Variants in DNAH12 observed in about 807,000 individuals in gnomAD.
DNAH12 encodes dynein axonemal heavy chain 12.
A neutral mutation model predicts 371.5 loss-of-function variants in DNAH12; 285 were observed. The observed-to-expected ratio is 0.77, with a 90% CI of 0.70 to 0.85. DNAH12 has a LOEUF of 0.85. Ranked by LOEUF, DNAH12 falls within the 40% of genes least tolerant of loss-of-function variation. The pLI is 0.00. For missense variants in DNAH12, 3,611 were observed against 3,689.4 expected, an observed-to-expected ratio of 0.98 and a Z score of 0.55; for synonymous variants, 1,200 against 1,213.0, an observed-to-expected ratio of 0.99 and a Z score of 0.22.
intron 13 of DNAH12, among the ~76,000 whole-genome samples, chr3:57,473,170 G>A (rs899594096): frequency 6.6e-6 from 1 of 152,000 alleles, no homozygotes; most frequent in African/African-American, 2.4e-5. Context: ...GAATATTGCG[G>A]TATGTAATAG....
chr3:57,453,719 A>G (rs561133740), intron 23 of DNAH12, among the ~76,000 whole-genome samples: 3 of 152,032 alleles, frequency 2.0e-5, no homozygotes, highest in African/African-American at 7.2e-5. Context: ...GACTACAGGC[A>G]TGTGCCAGTA....
intron 73 of DNAH12, among the ~76,000 whole-genome samples, chr3:57,294,384 C>T (rs2107636508): frequency 6.6e-6 from 1 of 152,190 alleles, no homozygotes; most frequent in South Asian, 2.1e-4. Flanking sequence ...ACTATGTTGG[C>T]CAGGCTGGTC....
chr3:57,460,618 C>T (rs1034805117), intron 19 of DNAH12, among the ~76,000 whole-genome samples: 1 of 152,148 alleles, frequency 6.6e-6, no homozygotes. Flanking sequence ...GGTTAGCCTG[C>T]TTCTTGGGAT....
intron 8 of DNAH12, among the ~76,000 whole-genome samples, chr3:57,505,412 C>T (rs928841632): frequency 3.3e-5 from 5 of 151,834 alleles, no homozygotes; most frequent in African/African-American, 7.3e-5. Context: ...ATATGCAAAC[C>T]CTAATTTTGT....
intron 11 of DNAH12, among the ~76,000 whole-genome samples, chr3:57,490,867 C>T (rs1971187): frequency 0.67 from 101,642 of 151,830 alleles, 34,265 homozygotes; most frequent in South Asian, 0.75. Context: ...GGCGGGTGGA[C>T]CACCTGAGGG....
intron 15 of DNAH12, among the ~76,000 whole-genome samples, chr3:57,470,999 G>A (rs1448828177): frequency 2.6e-5 from 4 of 152,112 alleles, no homozygotes; most frequent in Non-Finnish European, 4.4e-5. Flanking sequence ...GAGCCACTGC[G>A]CCTGGCCTAT....
intron 2 of DNAH12, among the ~76,000 whole-genome samples, chr3:57,525,756 C>CTTTTTTTTTTTTTTTTTTT (rs776184662): frequency 1.3e-5 from 1 of 76,272 alleles, no homozygotes; most frequent in Non-Finnish European, 2.2e-5. Context: ...ATGTCTTATT[C>CTTTTTTTTTTTTTTTTTTT]TTTTTTTTTT....
At chr3:57,296,248 G>A in intron 72 of DNAH12, 96 bp downstream of exon 72, 1 of 841,486 alleles carries the variant, frequency 1.2e-6, no homozygotes, top group Non-Finnish European at 1.8e-6. Context: ...ATTATTACTT[G>A]CCTTAAAAGA....
At chr3:57,539,910 C>T (rs1006189924) in intron 2 of DNAH12, among the ~76,000 whole-genome samples, 1 of 150,802 alleles carries the variant, frequency 6.6e-6, no homozygotes, top group Non-Finnish European at 1.5e-5. Flanking sequence ...GCCACCGTGC[C>T]CGGCCCCACT....
At chr3:57,535,234 C>T (rs1191978051) in intron 2 of DNAH12, among the ~76,000 whole-genome samples, 1 of 152,158 alleles carries the variant, frequency 6.6e-6, no homozygotes, top group African/African-American at 2.4e-5. Context: ...TAAATGTGTC[C>T]CCCAAAAGTT....
At chr3:57,460,303 T>TCCTG (rs1454419548) in intron 19 of DNAH12, among the ~76,000 whole-genome samples, 1 of 152,076 alleles carries the variant, frequency 6.6e-6, no homozygotes, top group Non-Finnish European at 1.5e-5. Context: ...GGTTGAGAAA[T>TCCTG]CCTGCTCTAC....
chr3:57,540,195 T>A (rs2153402964), intron 2 of DNAH12, among the ~76,000 whole-genome samples: 1 of 152,142 alleles, frequency 6.6e-6, no homozygotes, highest in South Asian at 2.1e-4. Flanking sequence ...GGATTACAGA[T>A]GCCCGCCAAG....
At chr3:57,361,689 A>G (rs2062940342) in intron 58 of DNAH12, among the ~76,000 whole-genome samples, 1 of 151,734 alleles carries the variant, frequency 6.6e-6, no homozygotes, top group Admixed American at 6.6e-5. Context: ...TCCAATCAGA[A>G]ACAGAGGTAA....
At chr3:57,544,425 T>G (rs897478187), upstream of DNAH12, 1 of 152,206 alleles carries the variant, frequency 6.6e-6, no homozygotes, top group Non-Finnish European at 1.5e-5. Flanking sequence ...GAAGGTTGCC[T>G]GGAGAGGCAG....
chr3:57,459,621 T>C lies in DNAH12; in HGVS notation c.2902A>G (p.Ile968Val), dbSNP rs1046326454. The change falls in exon 20 of 74, where the codon ATC (isoleucine) becomes GTC (valine). Residue 968 changes from isoleucine to valine, a missense_variant. Physicochemically the swap from Ile to Val is conservative, Grantham distance 29. Transcript: ENST00000495027. ...FQTVDRHWRD[I>V]MKFCAKDPKV... ...GGATCTTTAGCACAAAACTTCATGA[T>C]ATCTCTCCAGTGTCTGTCTACTGTC... 3 of 1,517,962 alleles carry C rather than the reference T, an allele frequency of 2.0e-6. No homozygotes were observed. The highest frequency in any genetic ancestry group is 4.0e-5 in the Admixed American group (2 of 49,730). 94.0% of individuals were successfully genotyped at this position (1,517,962 alleles called of 1,614,324 possible). A position where few individuals can be genotyped will look rare whatever the true frequency, so the allele number is the denominator to read the frequency against.
intron 60 of DNAH12, among the ~76,000 whole-genome samples, chr3:57,343,351 C>A (rs1326851035): frequency 6.6e-6 from 1 of 152,178 alleles, no homozygotes; most frequent in African/African-American, 2.4e-5. Context: ...TTTGACCCAA[C>A]CTGGAGCTCA....
intron 35 of DNAH12, 56 bp downstream of exon 35, chr3:57,424,966 T>G (rs2064717916): frequency 3.0e-6 from 2 of 674,750 alleles, no homozygotes; most frequent in African/African-American, 3.6e-5. Context: ...ATAAACATCA[T>G]GTACCAGAAG....
rs780608057 is a variant in DNAH12 at position 57,446,579 on chromosome 3, C to T, written c.3897G>A (p.Val1299=). The T allele has an allele frequency of 3.2e-6, 5 of 1,549,050 alleles. No individual in the cohort carries two copies. The South Asian group carries it at 3.6e-5, about 11-fold the overall frequency. Residue 1299 remains valine, a synonymous_variant, in exon 26 of 74, where the codon GTG becomes GTA. Transcript: ENST00000495027. ...AATCTAGCCCATCAGAACAGTTGAA[C>T]ACCACACACTGTACAGCAAGAGCTT... ...LAKALAVQCV[V]FNCSDGLDYL... is the part of the protein sequence containing the mutation.
At chr3:57,353,174 A>C (rs992786425) in intron 59 of DNAH12, among the ~76,000 whole-genome samples, 7 of 152,170 alleles carry the variant, frequency 4.6e-5, no homozygotes, top group Non-Finnish European at 8.8e-5. Flanking sequence ...TTATACTCTC[A>C]TATTCCAAAA....
Sources: allele counts gnomAD v4.1 joint callset (sites outside exome capture counted in the v4.1 genomes callset), GRCh38; gene constraint gnomAD v4.1.1; transcripts MANE v1.5; gene names NCBI Gene and HGNC (gene_info 2026-07-23, HGNC 2026-07-21).